Variants in TDRD12 observed in about 807,000 individuals in gnomAD.
TDRD12 encodes the protein tudor domain containing 12, also known as putative ATP-dependent RNA helicase TDRD12.
A neutral mutation model predicts 133.5 loss-of-function variants in TDRD12; 158 were observed. That is an observed-to-expected ratio of 1.18 (90% CI 1.04 to 1.35). The LOEUF (loss-of-function observed/expected upper bound fraction) is 1.35. Ranked by LOEUF, TDRD12 falls within the 40% of genes most tolerant of loss-of-function variation. TDRD12 has a pLI of 0.00. For missense variants in TDRD12, 1,443 were observed against 1,321.3 expected, an observed-to-expected ratio of 1.09 and a Z score of -1.43; for synonymous variants, 460 against 477.9, an observed-to-expected ratio of 0.96 and a Z score of 0.49.
At chr19:32,776,087 A>C (rs567897740) in intron 10 of TDRD12, among the ~76,000 whole-genome samples, 2 of 151,940 alleles carry the variant, frequency 1.3e-5, no homozygotes, top group African/African-American at 4.8e-5. Context: ...GCTTGGGGCG[A>C]GTTGGGGCTT....
chr19:32,752,094 G>A (rs1027462081), intron 6 of TDRD12, among the ~76,000 whole-genome samples: 5 of 151,682 alleles, frequency 3.3e-5, no homozygotes, highest in African/African-American at 1.2e-4. Context: ...AGCTGGTCTC[G>A]GACTCCTGAC....
At chr19:32,800,191 A>G in exon 17 of TDRD12, 2 of 1,496,806 alleles carry the variant, frequency 1.3e-6, no homozygotes, top group Non-Finnish European at 1.8e-6. Context: ...AGATAACTTT[A>G]AAAAAAATAT....
At chr19:32,798,567 T>A (rs1236328342) in intron 16 of TDRD12, 132 bp downstream of exon 16, 2 of 567,694 alleles carry the variant, frequency 3.5e-6, no homozygotes, top group Non-Finnish European at 5.5e-6. Context: ...TGCTTTAACT[T>A]CTATAATTAA....
At chr19:32,766,621 A>T (rs1599557962) in intron 8 of TDRD12, among the ~76,000 whole-genome samples, 1 of 147,516 alleles carries the variant, frequency 6.8e-6, no homozygotes, top group Non-Finnish European at 1.5e-5. Flanking sequence ...ATTAGCCATA[A>T]TTTTTTTTTT....
intron 1 of TDRD12, among the ~76,000 whole-genome samples, chr19:32,723,219 ACACTGTCTTATTACTGTAG>A (rs946712773): frequency 6.6e-6 from 1 of 151,466 alleles, no homozygotes; most frequent in Non-Finnish European, 1.5e-5. Context: ...GCACAATACC[ACACTGTCTTATTACTGTAG>A]CTTTATAGGT....
chr19:32,773,829 T>C (rs1480276448), intron 10 of TDRD12, among the ~76,000 whole-genome samples: 1 of 152,194 alleles, frequency 6.6e-6, no homozygotes, highest in Non-Finnish European at 1.5e-5. Flanking sequence ...GAAATTTTGG[T>C]TAAACATATT....
At chr19:32,758,643 G>T (rs1000720536) in intron 8 of TDRD12, among the ~76,000 whole-genome samples, 1 of 152,068 alleles carries the variant, frequency 6.6e-6, no homozygotes, top group Non-Finnish European at 1.5e-5. Flanking sequence ...TTTTAAAATT[G>T]TAGAGTCAGG....
At chr19:32,766,737 C>T (rs534817214) in intron 8 of TDRD12, among the ~76,000 whole-genome samples, 24 of 152,044 alleles carry the variant, frequency 1.6e-4, no homozygotes, top group Non-Finnish European at 2.9e-4. Context: ...GCCTTAGCCT[C>T]CCGAGTAGCT....
chr19:32,761,074 G>A (rs1181634559), intron 8 of TDRD12, among the ~76,000 whole-genome samples: 2 of 152,160 alleles, frequency 1.3e-5, no homozygotes, highest in African/African-American at 2.4e-5. Flanking sequence ...AAGAGACGTC[G>A]TTCAGCATCA....
intron 11 of TDRD12, among the ~76,000 whole-genome samples, chr19:32,784,593 A>C (rs1447331751): frequency 6.6e-6 from 1 of 152,182 alleles, no homozygotes; most frequent in Non-Finnish European, 1.5e-5. Context: ...CTCTGGTAGA[A>C]TTCGGCTGTG....
At chr19:32,720,362 G>A (rs1423302437) in intron 1 of TDRD12, among the ~76,000 whole-genome samples, 1 of 42,132 alleles carries the variant, frequency 2.4e-5, no homozygotes, top group South Asian at 1.3e-3. Context: ...TACTCCCCAC[G>A]CCCACTCCTC....
downstream of TDRD12, chr19:32,826,142 G>A (rs1003020548): frequency 3.3e-6 from 5 of 1,535,688 alleles, no homozygotes; most frequent in East Asian, 9.8e-5. Context: ...TAGCAGAACT[G>A]CACAGCCGCC....
rs1048384571 is a variant in TDRD12, at chr19:32,757,088, A to C, written c.823A>C (p.Lys275Gln). ...ACAATCTCTGCAACATACATGGTGC[A>C]AGGGTATTGTCGGTGACCTCAGGCC... The change falls in exon 8 of 28, where the codon AAG becomes CAG. Residue 275 changes from lysine (K) to glutamine (Q), a missense_variant. Coordinates refer to ENST00000444215, the Ensembl canonical transcript of TDRD12. 3.2e-6 allele frequency: 5 copies of C among 1,551,916 alleles called. No homozygotes were observed. The highest frequency in any genetic ancestry group is 4.4e-6 in the Non-Finnish European group (5 of 1,147,040).
chr19:32,773,735 A>G (rs1487481946), intron 10 of TDRD12, among the ~76,000 whole-genome samples: 6 of 152,166 alleles, frequency 3.9e-5, no homozygotes, highest in African/African-American at 9.7e-5. Context: ...GTAATTGACA[A>G]GAGACTTAAG....
At chr19:32,804,849 T>C (rs1273423897) in intron 21 of TDRD12, among the ~76,000 whole-genome samples, 2 of 151,662 alleles carry the variant, frequency 1.3e-5, no homozygotes, top group East Asian at 3.9e-4. Context: ...GAGTGAGAGA[T>C]TGTGCCACTG....
intron 13 of TDRD12, among the ~76,000 whole-genome samples, chr19:32,792,150 G>T (rs1971091850): frequency 6.6e-6 from 1 of 152,024 alleles, no homozygotes; most frequent in South Asian, 2.1e-4. Context: ...GGAGGCTGAG[G>T]CAGGAGAATC....
intron 11 of TDRD12, 129 bp from the exon 12 acceptor site, chr19:32,790,402 C>T (rs1971034722): frequency 3.4e-6 from 3 of 878,464 alleles, no homozygotes; most frequent in Non-Finnish European, 5.2e-6. Context: ...ACAGAACAGG[C>T]AGCAGTTGTA....
rs35855895 is a variant in TDRD12 at position 32,795,335 on chromosome 19, GAA to G, written c.1473+538_1473+539del. Reference sequence around the variant, plus strand: ...ACAATAAGAGCAAAACTCCATCTCAGAAAAAAAAAAAAAAAAAGAAAGAAAAA... The same window carrying G: ...ACAATAAGAGCAAAACTCCATCTCAGAAAAAAAAAAAAAAAGAAAGAAAAA... On this transcript the variant is annotated intron_variant, in intron 14 of 27. Transcript: ENST00000444215. Among the ~76,000 whole-genome samples, 136 of 114,240 alleles carry G rather than the reference GAA, an allele frequency of 1.2e-3. 1 individual carries two copies. Among genetic ancestry groups the G allele is most frequent in the South Asian group, 4.0e-3 (14 of 3,518 alleles). The allele number at this position is 114,240 out of a possible 152,430, so 74.9% of individuals were successfully genotyped here.
At chr19:32,780,084 C>CTTTTTTTTTTTTT (rs11395360) in intron 11 of TDRD12, among the ~76,000 whole-genome samples, 1 of 127,776 alleles carries the variant, frequency 7.8e-6, no homozygotes. Flanking sequence ...TTTTTCTTTT[C>CTTTTTTTTTTTTT]TTTTTTTTTT....
Sources: allele counts gnomAD v4.1 joint callset (sites outside exome capture counted in the v4.1 genomes callset), GRCh38; gene constraint gnomAD v4.1.1; transcripts MANE v1.5; gene names NCBI Gene and HGNC (gene_info 2026-07-23, HGNC 2026-07-21).